MEGF9: variants seen among roughly 807,000 people sequenced by gnomAD.
MEGF9 encodes multiple epidermal growth factor-like domains protein 9.
In MEGF9, 6 loss-of-function variants were observed where a neutral mutation model predicts 46.8. The observed-to-expected ratio is 0.13, with a 90% CI of 0.07 to 0.25. The LOEUF (loss-of-function observed/expected upper bound fraction) is 0.25. MEGF9 is among the 10% of genes least tolerant of loss of function. MEGF9 has a pLI of 1.00. For synonymous variants in MEGF9, 302 were observed against 330.7 expected (o/e 0.91, Z 0.94); for missense variants, 683 against 792.4 (o/e 0.86, Z 1.66).
chr9:120,661,342 C>A (rs751376250), intron 1 of MEGF9, among the ~76,000 whole-genome samples: 1 of 152,118 alleles, frequency 6.6e-6, no homozygotes, highest in East Asian at 1.9e-4. Flanking sequence ...AGTGAAACCA[C>A]GTCTCTACCA....
At chr9:120,674,696 G>T (rs2043764935) in intron 1 of MEGF9, among the ~76,000 whole-genome samples, 1 of 151,728 alleles carries the variant, frequency 6.6e-6, no homozygotes, top group South Asian at 2.1e-4. Context: ...AGCCTCCTAA[G>T]AAGCTAGGGC....
intron 1 of MEGF9, among the ~76,000 whole-genome samples, chr9:120,677,098 T>C (rs2043776360): frequency 7.2e-6 from 1 of 138,046 alleles, no homozygotes; most frequent in African/African-American, 2.7e-5. Flanking sequence ...TAAATGCAGT[T>C]GTGTTTTCTT....
intron 1 of MEGF9, among the ~76,000 whole-genome samples, chr9:120,702,843 C>T (rs2043911513): frequency 1.3e-5 from 2 of 152,010 alleles, no homozygotes; most frequent in South Asian, 4.1e-4. Context: ...CCCTGGGTCC[C>T]CAAATAATAC....
chr9:120,659,247 A>C, intron 2 of MEGF9, 127 bp downstream of exon 2: 1 of 595,046 alleles, frequency 1.7e-6, no homozygotes, highest in Non-Finnish European at 2.8e-6. Context: ...AAAAGTATAT[A>C]AAATATTTTG....
chr9:120,702,831 A>G (rs2043911435), intron 1 of MEGF9, among the ~76,000 whole-genome samples: 1 of 152,174 alleles, frequency 6.6e-6, no homozygotes, highest in South Asian at 2.1e-4. Context: ...ACATCTGAGG[A>G]ACCCTGGGTC....
intron 2 of MEGF9, among the ~76,000 whole-genome samples, chr9:120,633,063 G>A (rs569341283): frequency 6.6e-6 from 1 of 152,050 alleles, no homozygotes; most frequent in South Asian, 2.1e-4. Flanking sequence ...TTTTTGTGTT[G>A]TGTCCTTGTC....
intron 2 of MEGF9, among the ~76,000 whole-genome samples, chr9:120,651,027 G>C (rs1462951796): frequency 2.6e-5 from 4 of 152,134 alleles, no homozygotes; most frequent in African/African-American, 9.7e-5. Context: ...GTTTTGCACA[G>C]ATTAGATTAT....
At chr9:120,690,620 A>G (rs1471209319) in intron 1 of MEGF9, among the ~76,000 whole-genome samples, 1 of 152,064 alleles carries the variant, frequency 6.6e-6, no homozygotes, top group African/African-American at 2.4e-5. Flanking sequence ...GGTAGTACAG[A>G]CTCTTCAGTG....
At chr9:120,709,678 C>T (rs1335181869) in intron 1 of MEGF9, among the ~76,000 whole-genome samples, 1 of 152,180 alleles carries the variant, frequency 6.6e-6, no homozygotes, top group Non-Finnish European at 1.5e-5. Flanking sequence ...GGAAATATTT[C>T]TTCAAATGTA....
chr9:120,609,550 G>C (rs1242125994), intron 4 of MEGF9, among the ~76,000 whole-genome samples: 1 of 152,114 alleles, frequency 6.6e-6, no homozygotes, highest in Non-Finnish European at 1.5e-5. Context: ...CTAAAACATA[G>C]CACGTGTTCA....
chr9:120,615,757 C>T (rs185787799), intron 3 of MEGF9, among the ~76,000 whole-genome samples: 85 of 151,754 alleles, frequency 5.6e-4, no homozygotes, highest in African/African-American at 1.9e-3. Context: ...TAGCTGGGTG[C>T]GGTGGTGCAT....
chr9:120,611,865 A>AGGAAGGAAGGGAG (rs572613293), intron 4 of MEGF9, among the ~76,000 whole-genome samples: 2 of 137,154 alleles, frequency 1.5e-5, no homozygotes, highest in African/African-American at 5.9e-5. Flanking sequence ...GGAAGGAAGA[A>AGGAAGGAAGGGAG]AGAGAGAGAG....
chr9:120,634,987 C>A (rs986604190), intron 2 of MEGF9, among the ~76,000 whole-genome samples: 14 of 152,262 alleles, frequency 9.2e-5, no homozygotes, highest in Middle Eastern at 3.4e-3. Flanking sequence ...TTGAGCATTT[C>A]ATGTAAGGCT....
At chr9:120,713,518 A>G (rs1353732109) in intron 1 of MEGF9, among the ~76,000 whole-genome samples, 1 of 152,184 alleles carries the variant, frequency 6.6e-6, no homozygotes, top group Non-Finnish European at 1.5e-5. Flanking sequence ...GAAGAAGATG[A>G]GATGCCTTCC....
intron 1 of MEGF9, among the ~76,000 whole-genome samples, chr9:120,700,396 C>G (rs994342573): frequency 5.3e-5 from 8 of 152,194 alleles, no homozygotes; most frequent in South Asian, 2.1e-4. Flanking sequence ...TACCCAACAA[C>G]TAGATTGCTT....
intron 1 of MEGF9, among the ~76,000 whole-genome samples, chr9:120,712,728 A>C (rs2043959388): frequency 6.6e-6 from 1 of 152,226 alleles, no homozygotes; most frequent in Non-Finnish European, 1.5e-5. Context: ...ACTAAGCCTA[A>C]GATTTAGGTC....
intron 2 of MEGF9, among the ~76,000 whole-genome samples, chr9:120,639,821 G>A (rs2043594507): frequency 6.6e-6 from 1 of 152,006 alleles, no homozygotes; most frequent in Non-Finnish European, 1.5e-5. Context: ...TTCACATTTA[G>A]GTCTTTGATC....
intron 1 of MEGF9, among the ~76,000 whole-genome samples, chr9:120,693,931 A>T (rs1323961056): frequency 1.3e-5 from 2 of 152,170 alleles, no homozygotes; most frequent in South Asian, 2.1e-4. Flanking sequence ...GGCTAAAAAA[A>T]AAAAAATAAA....
intron 1 of MEGF9, among the ~76,000 whole-genome samples, chr9:120,700,887 C>T (rs2043901445): frequency 6.6e-6 from 1 of 151,572 alleles, no homozygotes; most frequent in Non-Finnish European, 1.5e-5. Context: ...TCGAGACCAG[C>T]CTGGACAACG....
Sources: allele counts gnomAD v4.1 joint callset (sites outside exome capture counted in the v4.1 genomes callset), GRCh38; gene constraint gnomAD v4.1.1; transcripts MANE v1.5; gene names NCBI Gene and HGNC (gene_info 2026-07-23, HGNC 2026-07-21).